The following NEGR1 variants were observed in gnomAD, a reference collection of about 807,000 sequenced individuals.
NEGR1 encodes neuronal growth regulator 1.
A neutral mutation model predicts 40.9 loss-of-function variants in NEGR1; 10 were observed. That is an observed-to-expected ratio of 0.24 (90% CI 0.15 to 0.42). The LOEUF (loss-of-function observed/expected upper bound fraction) is 0.42, where lower values mean the gene tolerates loss of function less well. NEGR1 is among the 10% of genes least tolerant of loss of function. The probability of loss-of-function intolerance (pLI) is 1.00; values close to 1 mark genes in which losing one functional copy is unlikely to be tolerated. For missense variants in NEGR1, 352 were observed against 438.9 expected (o/e 0.80, Z 1.77); for synonymous variants, 185 against 166.8 (o/e 1.11, Z -0.84).
intron 1 of NEGR1, among the ~76,000 whole-genome samples, chr1:72,078,033 T>G (rs978612475): frequency 4.6e-5 from 7 of 152,172 alleles, no homozygotes; most frequent in African/African-American, 1.7e-4. Flanking sequence ...AGATGCATAT[T>G]CTTTGTGTAT....
chr1:72,137,395 C>T (rs914645521), intron 1 of NEGR1, among the ~76,000 whole-genome samples: 1 of 152,144 alleles, frequency 6.6e-6, no homozygotes, highest in African/African-American at 2.4e-5. Flanking sequence ...CACACATACA[C>T]CATGGAATAC....
intron 1 of NEGR1, among the ~76,000 whole-genome samples, chr1:72,236,915 G>A (rs921268989): frequency 7.9e-5 from 12 of 151,842 alleles, no homozygotes; most frequent in Admixed American, 2.6e-4. Context: ...AATATTTTGC[G>A]TTAATTCCAT....
At chr1:72,232,239 C>A (rs1654390712) in intron 1 of NEGR1, among the ~76,000 whole-genome samples, 1 of 151,814 alleles carries the variant, frequency 6.6e-6, no homozygotes, top group Admixed American at 6.6e-5. Flanking sequence ...TGCCTGTAAT[C>A]CCAGCTACTC....
intron 2 of NEGR1, among the ~76,000 whole-genome samples, chr1:71,912,530 A>G (rs1230576498): frequency 6.6e-6 from 1 of 152,186 alleles, no homozygotes; most frequent in Non-Finnish European, 1.5e-5. Flanking sequence ...TTTGAAGACC[A>G]TTATTCTGTC....
At chr1:72,065,158 A>C (rs1408352304) in intron 1 of NEGR1, among the ~76,000 whole-genome samples, 1 of 152,108 alleles carries the variant, frequency 6.6e-6, no homozygotes, top group African/African-American at 2.4e-5. Flanking sequence ...CAAGGCCATA[A>C]ACAACTTTTC....
intron 1 of NEGR1, among the ~76,000 whole-genome samples, chr1:72,265,874 C>T (rs1448026662): frequency 2.0e-5 from 3 of 150,734 alleles, no homozygotes; most frequent in Non-Finnish European, 4.5e-5. Context: ...GGACTTAATT[C>T]TTCTTCCTCA....
intron 1 of NEGR1, among the ~76,000 whole-genome samples, chr1:72,259,946 TTG>T (rs1655402334): frequency 1.3e-5 from 2 of 152,116 alleles, no homozygotes; most frequent in Admixed American, 1.3e-4. Context: ...ATGATTTTTG[TTG>T]TGTTTATTTT....
chr1:72,027,387 G>C (rs987539581), intron 1 of NEGR1, among the ~76,000 whole-genome samples: 2 of 151,680 alleles, frequency 1.3e-5, no homozygotes, highest in African/African-American at 4.8e-5. Flanking sequence ...ACTTACAAAG[G>C]ATTTAGCCTT....
intron 2 of NEGR1, among the ~76,000 whole-genome samples, chr1:71,908,767 T>C (rs1405747576): frequency 6.6e-6 from 1 of 152,176 alleles, no homozygotes; most frequent in African/African-American, 2.4e-5. Flanking sequence ...ACTGTTACAG[T>C]GTTACAGTTT....
intron 3 of NEGR1, among the ~76,000 whole-genome samples, chr1:71,753,275 T>G (rs1570299382): frequency 6.6e-6 from 1 of 152,310 alleles, no homozygotes; most frequent in Middle Eastern, 3.4e-3. Flanking sequence ...AATCATTATG[T>G]AAAATTACCT....
Position 71,397,495 on chromosome 1 carries a change from T to A in NEGR1, c.*9951A>T, listed in dbSNP as rs1432333899. On this transcript the variant is annotated 3_prime_UTR_variant, in exon 7 of 7. Transcript: ENST00000357731. Reference sequence around the variant, plus strand: ...GCATGTGCCACCATGCCTCACTAATTTTTATATTTTTAGTAGAGTTGGGGT... The same window carrying A: ...GCATGTGCCACCATGCCTCACTAATATTTATATTTTTAGTAGAGTTGGGGT... 1 of 152,112 alleles carries A rather than the reference T, an allele frequency of 6.6e-6. No individual in the cohort carries two copies. The highest frequency in any genetic ancestry group is 2.4e-5 in the African/African-American group (1 of 41,382). The allele number at this position is 152,112 out of a possible 1,614,324, so 9.4% of individuals were successfully genotyped here.
In NEGR1 at chr1:71,990,861, T is replaced by A. The variant is rs1324948552; in HGVS notation, c.177-55550A>T. The stretch of plus-strand genomic sequence containing the variant: ...TCCGTAAACACATTAATAAAATGAT[T>A]TCTTAATAATGACTCTCCCAATCTA... On this transcript the variant is annotated intron_variant, in intron 1 of 6. Transcript: ENST00000357731. 2.0e-5 allele frequency among the ~76,000 whole-genome samples: 3 copies of A among 151,882 alleles called. No homozygotes were observed. In the East Asian group the frequency reaches 5.8e-4, roughly 29 times the overall value.
chr1:72,217,582 C>A (rs191148971), intron 1 of NEGR1, among the ~76,000 whole-genome samples: 15 of 151,726 alleles, frequency 9.9e-5, no homozygotes, highest in Admixed American at 7.9e-4. Context: ...TAAACAGTTA[C>A]CACAAAATGT....
chr1:72,244,309 T>G (rs1654836647), intron 1 of NEGR1, among the ~76,000 whole-genome samples: 1 of 151,910 alleles, frequency 6.6e-6, no homozygotes, highest in Non-Finnish European at 1.5e-5. Flanking sequence ...TAAGAAATGT[T>G]AGATCTGTTA....
chr1:71,784,817 T>C (rs1656851834), intron 2 of NEGR1, among the ~76,000 whole-genome samples: 1 of 152,210 alleles, frequency 6.6e-6, no homozygotes, highest in Non-Finnish European at 1.5e-5. Flanking sequence ...TTAGTATACA[T>C]GAAAATTAAA....
intron 3 of NEGR1, among the ~76,000 whole-genome samples, chr1:71,704,882 T>C (rs1653833145): frequency 6.6e-6 from 1 of 151,810 alleles, no homozygotes. Flanking sequence ...GGTATACCAA[T>C]CTAGGGATAT....
intron 1 of NEGR1, among the ~76,000 whole-genome samples, chr1:71,979,109 A>G (rs1162987022): frequency 6.6e-6 from 1 of 152,200 alleles, no homozygotes; most frequent in Non-Finnish European, 1.5e-5. Flanking sequence ...ACACAGAAAT[A>G]GAAAACAAAT....
chr1:71,654,778 A>T (rs1651826315), intron 4 of NEGR1, among the ~76,000 whole-genome samples: 1 of 152,218 alleles, frequency 6.6e-6, no homozygotes, highest in Non-Finnish European at 1.5e-5. Flanking sequence ...CTACAAATAA[A>T]TAAAGTTTTG....
At chr1:71,900,781 G>A (rs1661122673) in intron 2 of NEGR1, among the ~76,000 whole-genome samples, 1 of 152,108 alleles carries the variant, frequency 6.6e-6, no homozygotes, top group African/African-American at 2.4e-5. Flanking sequence ...ATTATTCCAT[G>A]GAAAATGTAG....
Sources: allele counts gnomAD v4.1 joint callset (sites outside exome capture counted in the v4.1 genomes callset), GRCh38; gene constraint gnomAD v4.1.1; transcripts MANE v1.5; gene names NCBI Gene and HGNC (gene_info 2026-07-23, HGNC 2026-07-21).